The following NCKAP1 variants were observed in gnomAD, a reference collection of about 807,000 sequenced individuals.
NCKAP1 encodes nck-associated protein 1.
Under a neutral mutation model 151.2 loss-of-function variants are expected in NCKAP1, and 21 were observed. The observed-to-expected ratio is 0.14, with a 90% CI of 0.10 to 0.20. The LOEUF (loss-of-function observed/expected upper bound fraction) is 0.20. Ranked by LOEUF, NCKAP1 falls within the 10% of genes least tolerant of loss-of-function variation. The pLI, the probability that NCKAP1 is intolerant of heterozygous loss-of-function variation, is 1.00. For synonymous variants in NCKAP1, 484 were observed against 451.8 expected (o/e 1.07, Z -0.90); for missense variants, 933 against 1,352.1 (o/e 0.69, Z 4.86).
chr2:182,941,580 A>G (rs1696995804), intron 24 of NCKAP1, among the ~76,000 whole-genome samples: 1 of 152,228 alleles, frequency 6.6e-6, no homozygotes. Flanking sequence ...ACAAAGAGAT[A>G]GCAAACAATT....
intron 15 of NCKAP1, among the ~76,000 whole-genome samples, chr2:182,971,219 C>A (rs1697682097): frequency 6.6e-6 from 1 of 150,784 alleles, no homozygotes; most frequent in Admixed American, 6.6e-5. Context: ...ACGGTGAAAC[C>A]CCGTCTCTAC....
intron 6 of NCKAP1, among the ~76,000 whole-genome samples, chr2:182,996,361 T>C (rs933330110): frequency 6.6e-6 from 1 of 152,256 alleles, no homozygotes; most frequent in Non-Finnish European, 1.5e-5. Context: ...TACAGCTTTA[T>C]TATCAAGGTA....
chr2:182,943,356 T>C (rs1240075107), intron 23 of NCKAP1, among the ~76,000 whole-genome samples: 1 of 152,196 alleles, frequency 6.6e-6, no homozygotes, highest in Non-Finnish European at 1.5e-5. Flanking sequence ...AAGTTTTGTT[T>C]AGGTTGCTTG....
chr2:182,977,380 C>G (rs1420980563), intron 14 of NCKAP1, among the ~76,000 whole-genome samples: 1 of 152,094 alleles, frequency 6.6e-6, no homozygotes, highest in East Asian at 1.9e-4. Context: ...GTCCCAGCTA[C>G]TCGGGAGACT....
intron 24 of NCKAP1, among the ~76,000 whole-genome samples, chr2:182,937,736 G>T (rs1205871093): frequency 2.6e-5 from 4 of 152,158 alleles, no homozygotes; most frequent in African/African-American, 9.7e-5. Flanking sequence ...ACACCAATTT[G>T]TAAACTCTCA....
At chr2:182,955,386 AT>A (rs1697303681) in intron 20 of NCKAP1, among the ~76,000 whole-genome samples, 1 of 152,230 alleles carries the variant, frequency 6.6e-6, no homozygotes, top group Admixed American at 6.5e-5. Context: ...TGTCAAATAA[AT>A]AAAAATTTTC....
intron 16 of NCKAP1, among the ~76,000 whole-genome samples, chr2:182,965,102 T>C (rs540302058): frequency 1.2e-4 from 19 of 152,024 alleles, no homozygotes; most frequent in African/African-American, 4.6e-4. Flanking sequence ...AAAAATACCA[T>C]TATTATGGCT....
intron 2 of NCKAP1, among the ~76,000 whole-genome samples, chr2:183,012,858 CAA>C (rs1453178247): frequency 6.0e-5 from 9 of 150,814 alleles, no homozygotes; most frequent in African/African-American, 2.2e-4. Flanking sequence ...CTCCTGACCT[CAA>C]GTGATCCACT....
At chr2:182,944,609 A>G (rs570319042) in intron 23 of NCKAP1, among the ~76,000 whole-genome samples, 167 of 152,332 alleles carry the variant, frequency 1.1e-3, no homozygotes, top group African/African-American at 3.8e-3. Flanking sequence ...TCTGACACAC[A>G]ATTTATTCAC....
At chr2:183,004,857 C>G (rs1314496678) in intron 2 of NCKAP1, among the ~76,000 whole-genome samples, 1 of 144,168 alleles carries the variant, frequency 6.9e-6, no homozygotes. Context: ...GCACTCCAGC[C>G]TGGGTGACAG....
intron 16 of NCKAP1, 140 bp downstream of exon 16, chr2:182,967,076 A>T: frequency 1.3e-6 from 1 of 749,272 alleles, no homozygotes; most frequent in Non-Finnish European, 2.0e-6. Flanking sequence ...GCACATTTTA[A>T]TAAAAGTCCA....
chr2:182,988,720 G>A (rs1427527549), intron 9 of NCKAP1, among the ~76,000 whole-genome samples: 1 of 152,066 alleles, frequency 6.6e-6, no homozygotes, highest in African/African-American at 2.4e-5. Flanking sequence ...CCTCTAAAAT[G>A]TATATGGTAC....
chr2:183,036,568 G>A (rs908480973), intron 1 of NCKAP1, among the ~76,000 whole-genome samples: 3 of 151,986 alleles, frequency 2.0e-5, no homozygotes, highest in African/African-American at 7.3e-5. Flanking sequence ...AAATGCAGAG[G>A]GGCTTCTTTG....
Position 182,956,134 on chromosome 2 carries a change from G to A in NCKAP1, c.2153+328C>T, listed in dbSNP as rs186399286. On this transcript the variant is annotated intron_variant, in intron 20 of 30. Transcript: ENST00000361354. ...TTGGCTCACTGCAAGTGTGTCTCCC[G>A]GGTTCACGCCATTATCTTGCCTCAG... 7.2e-5 allele frequency among the ~76,000 whole-genome samples: 11 copies of A among 152,212 alleles called. No individual in the cohort carries two copies. In the East Asian group the frequency reaches 1.4e-3, roughly 19 times the overall value.
At chr2:182,944,762 C>T (rs1019576681) in intron 23 of NCKAP1, among the ~76,000 whole-genome samples, 8 of 152,190 alleles carry the variant, frequency 5.3e-5, no homozygotes, top group Admixed American at 3.3e-4. Flanking sequence ...TCAAATGATA[C>T]TTAGTTTATA....
chr2:182,925,834 A>C lies in NCKAP1; in HGVS notation c.3271-16T>G. The C allele has an allele frequency of 7.2e-7, 1 of 1,385,972 alleles. No individual in the cohort carries two copies. The highest frequency in any genetic ancestry group is 1.4e-5 in the South Asian group (1 of 72,138). The allele number at this position is 1,385,972 out of a possible 1,614,324, so 85.9% of individuals were successfully genotyped here. ...CTTGTACAATCTGTAAAATTCAAAAAATCCATCAAAACAAGTTATTTATAA... is the reference window on the plus strand; with the variant it reads ...CTTGTACAATCTGTAAAATTCAAAACATCCATCAAAACAAGTTATTTATAA... On this transcript the variant is annotated splice_polypyrimidine_tract_variant and intron_variant, in intron 30 of 30. Coordinates refer to ENST00000361354, the MANE Select transcript of NCKAP1 (RefSeq NM_013436.5).
chr2:182,942,036 C>T, intron 24 of NCKAP1, 34 bp downstream of exon 24: 1 of 1,529,582 alleles, frequency 6.5e-7, no homozygotes, highest in Non-Finnish European at 9.0e-7. Context: ...TCAAGATCTT[C>T]TTATGTTTAT....
intron 27 of NCKAP1, among the ~76,000 whole-genome samples, chr2:182,929,497 A>G (rs772818191): frequency 2.0e-4 from 30 of 151,974 alleles, no homozygotes; most frequent in South Asian, 4.1e-4. Context: ...GAATAAAAAT[A>G]CCCAGCATTG....
chr2:182,940,011 C>T (rs1696963456), intron 24 of NCKAP1, among the ~76,000 whole-genome samples: 1 of 152,130 alleles, frequency 6.6e-6, no homozygotes, highest in African/African-American at 2.4e-5. Context: ...TGACAAACGA[C>T]TATGAATTTT....
Sources: gnomAD v4.1 joint callset for allele counts (sites outside exome capture counted in the v4.1 genomes callset) on GRCh38, gnomAD v4.1.1 for gene constraint, MANE v1.5 for transcripts, NCBI Gene and HGNC (gene_info 2026-07-23, HGNC 2026-07-21) for gene names.